Variants in HIVEP3 observed in about 807,000 individuals in gnomAD.
HIVEP3 encodes the protein HIVEP zinc finger 3.
HIVEP3 carries 49 observed loss-of-function variants against 152.8 expected under a neutral mutation model. The ratio of observed to expected loss-of-function variants is 0.32; its 90% confidence interval spans 0.26 to 0.41. The LOEUF (loss-of-function observed/expected upper bound fraction) is 0.41, where lower values mean the gene tolerates loss of function less well. Among genes scored for constraint, HIVEP3 ranks in the 10% least tolerant of loss-of-function variants. The pLI is 1.00. For synonymous variants in HIVEP3, 1,269 were observed against 1,289.0 expected (o/e 0.98, Z 0.33); for missense variants, 2,790 against 3,103.3 (o/e 0.90, Z 2.40).
chr1:42,032,409 T>C (rs1645618127), intron 1 of HIVEP3, among the ~76,000 whole-genome samples: 2 of 152,224 alleles, frequency 1.3e-5, no homozygotes, highest in South Asian at 4.1e-4. Context: ...TGTCACAAGC[T>C]GCAACACCCG....
intron 3 of HIVEP3, among the ~76,000 whole-genome samples, chr1:41,604,214 C>T (rs1291270335): frequency 6.6e-6 from 1 of 152,118 alleles, no homozygotes; most frequent in East Asian, 1.9e-4. Context: ...CTCCAAAAAA[C>T]ACAAAGAAGA....
At position 41,845,810 on chromosome 1, in the gene HIVEP3, T is replaced by TA. The variant is rs199690762; in HGVS notation, c.-801+72602dup. Among the ~76,000 whole-genome samples, 141 of 152,318 alleles carry TA rather than the reference T, an allele frequency of 9.3e-4. 2 individuals carry two copies. In the East Asian group the frequency reaches 0.026, roughly 28 times the overall value. ...GGCTGGGTATGGTGGCTCATACCTG[T>TA]AATCCCAGCACTTTGGGAGGCCGAG... On this transcript the variant is annotated intron_variant, in intron 1 of 8. Transcript: ENST00000372583.
chr1:41,611,104 T>C (rs1468125748), intron 3 of HIVEP3, among the ~76,000 whole-genome samples: 1 of 152,152 alleles, frequency 6.6e-6, no homozygotes, highest in African/African-American at 2.4e-5. Flanking sequence ...TTTGAGAAAA[T>C]TACTAGTGTA....
At chr1:41,857,459 T>A (rs1361880590) in intron 1 of HIVEP3, among the ~76,000 whole-genome samples, 1 of 151,864 alleles carries the variant, frequency 6.6e-6, no homozygotes, top group Non-Finnish European at 1.5e-5. Context: ...TTAAGTGATT[T>A]AAAGAAGAAT....
Position 41,584,930 on chromosome 1 carries a change from C to T in HIVEP3, c.-133G>A, listed in dbSNP as rs530535443. 2.8e-5 allele frequency: 23 copies of T among 829,570 alleles called. No homozygotes were observed. The highest frequency in any genetic ancestry group is 1.8e-4 in the Admixed American group (6 of 33,256). 51.4% of individuals were successfully genotyped at this position (829,570 alleles called of 1,614,324 possible). On this transcript the variant is annotated 5_prime_UTR_variant, in exon 4 of 9. Coordinates refer to ENST00000372583, the MANE Select transcript of HIVEP3 (RefSeq NM_024503.5). This position sits in a 1 kb window ranked among gnomAD's most constrained non-coding sequence, Gnocchi z 5.2. ...AGAGCTGTGGGAGCCAAACCCAAGA[C>T]GGCTTTGGGAGTTTTTTGCAAGTGT...
At chr1:41,837,412 C>T (rs1370715381) in intron 1 of HIVEP3, among the ~76,000 whole-genome samples, 7 of 152,176 alleles carry the variant, frequency 4.6e-5, no homozygotes, top group South Asian at 4.2e-4. Flanking sequence ...CTGCAACCTC[C>T]GCCTCCTAGG....
chr1:41,659,443 G>A (rs1471702136), intron 2 of HIVEP3, among the ~76,000 whole-genome samples: 5 of 152,182 alleles, frequency 3.3e-5, no homozygotes, highest in African/African-American at 1.2e-4. Context: ...CCTGAAAGAA[G>A]GGATTAAACA....
At chr1:41,598,187 C>G (rs1644693721) in intron 3 of HIVEP3, among the ~76,000 whole-genome samples, 1 of 152,314 alleles carries the variant, frequency 6.6e-6, no homozygotes, top group East Asian at 1.9e-4. Context: ...TTGTGTCCAG[C>G]CAGTCTCTCA....
intron 6 of HIVEP3, among the ~76,000 whole-genome samples, chr1:41,522,986 G>A (rs1254850612): frequency 6.6e-6 from 1 of 152,248 alleles, no homozygotes; most frequent in Non-Finnish European, 1.5e-5. Flanking sequence ...AGATGATGGG[G>A]TGATGCCCTG....
chr1:41,940,513 G>C (rs929391860), intron 1 of HIVEP3, among the ~76,000 whole-genome samples: 1 of 152,228 alleles, frequency 6.6e-6, no homozygotes, highest in African/African-American at 2.4e-5. Context: ...GCTAGGCACT[G>C]TTGGAGGTGA....
intron 5 of HIVEP3, among the ~76,000 whole-genome samples, chr1:41,539,926 T>C (rs1643487214): frequency 6.6e-6 from 1 of 152,234 alleles, no homozygotes; most frequent in South Asian, 2.1e-4. Flanking sequence ...GAAACCTTGG[T>C]ACAATTCTAT....
At chr1:41,876,142 G>A (rs1237736505) in intron 1 of HIVEP3, among the ~76,000 whole-genome samples, 1 of 150,210 alleles carries the variant, frequency 6.7e-6, no homozygotes, top group Non-Finnish European at 1.5e-5. Context: ...TTTTATGAAA[G>A]GATAGTAAGA....
chr1:41,527,315 C>T (rs1643010579), intron 5 of HIVEP3, among the ~76,000 whole-genome samples: 1 of 47,520 alleles, frequency 2.1e-5, no homozygotes, highest in African/African-American at 9.5e-5. Flanking sequence ...ACACTTCACA[C>T]CCCTGCACTC....
At chr1:41,591,387 C>G (rs1277260128) in intron 3 of HIVEP3, among the ~76,000 whole-genome samples, 1 of 152,134 alleles carries the variant, frequency 6.6e-6, no homozygotes, top group Non-Finnish European at 1.5e-5. Flanking sequence ...TGGGCAGAGC[C>G]TTGGCCTGCA....
intron 3 of HIVEP3, among the ~76,000 whole-genome samples, chr1:41,602,007 A>AT (rs1644754990): frequency 6.6e-6 from 1 of 151,838 alleles, no homozygotes; most frequent in South Asian, 2.1e-4. Flanking sequence ...TGCTCATGTG[A>AT]TTTTAAGTCT....
chr1:41,525,019 AGG>A, intron 5 of HIVEP3, 109 bp from the exon 6 acceptor site: 1 of 1,040,796 alleles, frequency 9.6e-7, no homozygotes, highest in Non-Finnish European at 1.4e-6. Context: ...TACAGACGCA[AGG>A]AATGGAGGCC....
chr1:41,722,696 G>A (rs1558211783), intron 1 of HIVEP3, among the ~76,000 whole-genome samples: 1 of 152,040 alleles, frequency 6.6e-6, no homozygotes, highest in Non-Finnish European at 1.5e-5. Context: ...AGACAGACTA[G>A]CAAAAAGACA....
chr1:41,942,809 G>A (rs1281960185), intron 1 of HIVEP3, among the ~76,000 whole-genome samples: 1 of 152,112 alleles, frequency 6.6e-6, no homozygotes, highest in East Asian at 1.9e-4. Context: ...ATGAAGGAAT[G>A]TAAGTGAAAA....
intron 1 of HIVEP3, among the ~76,000 whole-genome samples, chr1:41,816,282 G>C (rs1015341224): frequency 1.3e-5 from 2 of 152,192 alleles, no homozygotes; most frequent in African/African-American, 4.8e-5. Flanking sequence ...GTGGGTACAT[G>C]GAAGGCAGCC....
Sources: gnomAD v4.1 joint callset for allele counts (sites outside exome capture counted in the v4.1 genomes callset) on GRCh38, gnomAD v4.1.1 for gene constraint, Gnocchi (gnomAD v3.1) non-coding constraint, MANE v1.5 for transcripts, NCBI Gene and HGNC (gene_info 2026-07-23, HGNC 2026-07-21) for gene names.